The following CCDC141 variants were observed in gnomAD, a reference collection of about 807,000 sequenced individuals.
CCDC141 encodes the protein coiled-coil domain containing 141.
Under a neutral mutation model 181.0 loss-of-function variants are expected in CCDC141, and 168 were observed. That is an observed-to-expected ratio of 0.93 (90% CI 0.82 to 1.05). The LOEUF is 1.05. CCDC141 is among the 50% of genes least tolerant of loss of function. CCDC141 has a pLI of 0.00. For missense variants in CCDC141, 1,902 were observed against 1,788.5 expected (o/e 1.06, Z -1.14); for synonymous variants, 666 against 642.3 (o/e 1.04, Z -0.56).
rs532465443 is a variant in CCDC141 at position 179,045,381 on chromosome 2, A to G, written c.225+1903T>C. Reference sequence around the variant, plus strand: ...GGCTGCATAGTATTCCATGGTGTATATGTGCCACATTTTCTTAATCTAGTC... The same window carrying G: ...GGCTGCATAGTATTCCATGGTGTATGTGTGCCACATTTTCTTAATCTAGTC... On this transcript the variant is annotated intron_variant, in intron 2 of 23. Coordinates refer to ENST00000443758, the MANE Select transcript of CCDC141 (RefSeq NM_173648.4). 2.7e-5 allele frequency among the ~76,000 whole-genome samples: 4 copies of G among 147,876 alleles called. No individual in the cohort carries two copies. The East Asian group carries it at 8.0e-4, about 30-fold the overall frequency.
chr2:178,981,806 G>T (rs1252501930), intron 2 of CCDC141, among the ~76,000 whole-genome samples: 1 of 148,718 alleles, frequency 6.7e-6, no homozygotes, highest in Non-Finnish European at 1.5e-5. Context: ...AATTAGAGGA[G>T]GAATCAATAA....
At chr2:179,014,807 T>G (rs914047858) in intron 2 of CCDC141, among the ~76,000 whole-genome samples, 16 of 151,808 alleles carry the variant, frequency 1.1e-4, no homozygotes, top group Non-Finnish European at 1.8e-4. Context: ...CAGGGAACAC[T>G]TCTACGCTGC....
intron 22 of CCDC141, among the ~76,000 whole-genome samples, chr2:178,841,588 A>G (rs1684723069): frequency 6.6e-6 from 1 of 152,240 alleles, no homozygotes; most frequent in Non-Finnish European, 1.5e-5. Context: ...AAAAATGCAA[A>G]TAAGATTTCC....
At chr2:178,825,427 T>C (rs1684108887), downstream of CCDC141, 1 of 152,216 alleles carries the variant, frequency 6.6e-6, no homozygotes, top group African/African-American at 2.4e-5. Context: ...TTTGATCATG[T>C]TATTATTGGA....
intron 5 of CCDC141, among the ~76,000 whole-genome samples, chr2:178,955,056 C>T (rs1575262919): frequency 6.6e-6 from 1 of 152,016 alleles, no homozygotes; most frequent in South Asian, 2.1e-4. Context: ...AGGCCAAGAG[C>T]AGCAGATCAC....
intron 2 of CCDC141, among the ~76,000 whole-genome samples, chr2:178,994,238 C>T (rs76727079): frequency 0.015 from 2,300 of 152,314 alleles, 55 homozygotes; most frequent in African/African-American, 0.052. Flanking sequence ...CCTGCCCCTG[C>T]GGCAAATTTC....
chr2:179,027,102 G>C (rs938749134), intron 2 of CCDC141, among the ~76,000 whole-genome samples: 4 of 152,186 alleles, frequency 2.6e-5, no homozygotes, highest in Admixed American at 2.6e-4. Context: ...AATGAGTTAA[G>C]ACTTTGGGGG....
chr2:178,838,459 T>C (rs942640527), intron 22 of CCDC141, among the ~76,000 whole-genome samples: 8 of 152,234 alleles, frequency 5.3e-5, no homozygotes, highest in Non-Finnish European at 1.0e-4. Context: ...TCTTGCTCTA[T>C]GCATTTGACC....
chr2:179,001,565 G>A (rs2041979256), intron 2 of CCDC141, among the ~76,000 whole-genome samples: 1 of 152,146 alleles, frequency 6.6e-6, no homozygotes, highest in South Asian at 2.1e-4. Flanking sequence ...AAGATCAGAG[G>A]AGGAGGTAAA....
At chr2:179,012,656 T>C (rs968687221) in intron 2 of CCDC141, among the ~76,000 whole-genome samples, 1 of 151,962 alleles carries the variant, frequency 6.6e-6, no homozygotes, top group Non-Finnish European at 1.5e-5. Context: ...GGAAAGGACA[T>C]AACCAAAAAA....
At chr2:178,948,316 AT>A (rs982184292) in intron 5 of CCDC141, among the ~76,000 whole-genome samples, 1 of 152,038 alleles carries the variant, frequency 6.6e-6, no homozygotes, top group African/African-American at 2.4e-5. Flanking sequence ...TTACTTTTTA[AT>A]TTTTTACTTT....
intron 19 of CCDC141, 71 bp downstream of exon 19, chr2:178,855,276 T>C (rs1685333316): frequency 3.2e-6 from 4 of 1,266,526 alleles, no homozygotes; most frequent in South Asian, 1.4e-5. Flanking sequence ...TAATGCAACA[T>C]TGCTTTAAAG....
chr2:178,890,267 A>G (rs1489039264), intron 8 of CCDC141, among the ~76,000 whole-genome samples: 1 of 152,140 alleles, frequency 6.6e-6, no homozygotes, highest in African/African-American at 2.4e-5. Context: ...CCAAGATAAA[A>G]GGTGCCCACT....
At chr2:179,015,869 A>G (rs1189460960) in intron 2 of CCDC141, among the ~76,000 whole-genome samples, 1 of 120,574 alleles carries the variant, frequency 8.3e-6, no homozygotes, top group Admixed American at 1.0e-4. Flanking sequence ...TCTCATATAT[A>G]TCTCATATGT....
chr2:178,892,537 G>A (rs952878705), intron 8 of CCDC141, among the ~76,000 whole-genome samples: 5 of 151,950 alleles, frequency 3.3e-5, no homozygotes, highest in Middle Eastern at 3.2e-3. Context: ...CCTAATCTGC[G>A]GGTTACATTC....
At chr2:179,033,283 A>G (rs1276229829) in intron 2 of CCDC141, among the ~76,000 whole-genome samples, 2 of 151,976 alleles carry the variant, frequency 1.3e-5, no homozygotes, top group Non-Finnish European at 2.9e-5. Context: ...GTGCTATGAT[A>G]TTTGCATAAT....
At position 178,918,836 on chromosome 2, in the gene CCDC141, CT is replaced by C; in HGVS notation, c.968del (p.Glu323GlyfsTer30). The C allele has an allele frequency of 6.4e-7, 1 of 1,550,622 alleles. No individual in the cohort carries two copies. Among genetic ancestry groups the C allele is most frequent in the Non-Finnish European group, 8.7e-7 (1 of 1,146,994 alleles). On this transcript the variant is annotated frameshift_variant, in exon 7 of 24. Coordinates refer to ENST00000443758, the MANE Select transcript of CCDC141 (RefSeq NM_173648.4). LOFTEE classifies it high-confidence loss of function. ...LRILLSKDYV[E>X]KEHLQLSHQK... is the part of the protein sequence containing the mutation. ...GGTGAGAGAGCTGGAGGTGTTCTTT[CT>C]CCACGTAGTCCTTTGACAGCAGAAT... is the stretch of plus-strand genomic sequence containing the variant.
In CCDC141 at chr2:178,837,577, G is replaced by A; in HGVS notation, c.3642C>T (p.Ile1214=). The change falls in exon 23 of 24, where the codon ATC becomes ATT. Residue 1214 remains isoleucine (I), a synonymous_variant. Coordinates refer to ENST00000443758, the MANE Select transcript of CCDC141 (RefSeq NM_173648.4). Reference sequence around the variant, plus strand: ...GGCTTCCTGGGAGAGGAGGCAAGGAGATGTCATCAGGTGAGACACACTCAT... The same window carrying A: ...GGCTTCCTGGGAGAGGAGGCAAGGAAATGTCATCAGGTGAGACACACTCAT... ...EEYECVSPDD[I]SLPPLPGSPE... 6.2e-7 allele frequency: 1 copy of A among 1,613,918 alleles called. No individual in the cohort carries two copies. Among genetic ancestry groups the A allele is most frequent in the South Asian group, 1.1e-5 (1 of 91,072 alleles).
At chr2:178,950,963 T>A (rs1004773571) in intron 5 of CCDC141, among the ~76,000 whole-genome samples, 1 of 152,204 alleles carries the variant, frequency 6.6e-6, no homozygotes, top group African/African-American at 2.4e-5. Context: ...CTTCTTAACA[T>A]TGCCCACAAC....
Sources: allele counts gnomAD v4.1 joint callset (sites outside exome capture counted in the v4.1 genomes callset), GRCh38; gene constraint gnomAD v4.1.1; transcripts MANE v1.5; gene names NCBI Gene and HGNC (gene_info 2026-07-23, HGNC 2026-07-21).